The following MNAT1 variants were observed in gnomAD, a reference collection of about 807,000 sequenced individuals.
MNAT1 encodes CDK-activating kinase assembly factor MAT1.
A neutral mutation model predicts 42.0 loss-of-function variants in MNAT1; 43 were observed. The ratio of observed to expected loss-of-function variants is 1.02; its 90% CI spans 0.80 to 1.32. MNAT1 has a LOEUF of 1.32. MNAT1 is among the 40% of genes most tolerant of loss of function. The pLI is 0.00. For synonymous variants in MNAT1, 118 were observed against 120.0 expected, an observed-to-expected ratio of 0.98 and a Z score of 0.11; for missense variants, 306 against 350.4, an observed-to-expected ratio of 0.87 and a Z score of 1.01.
chr14:60,947,214 A>C (rs771413950), intron 7 of MNAT1, among the ~76,000 whole-genome samples: 1 of 152,078 alleles, frequency 6.6e-6, no homozygotes, highest in African/African-American at 2.4e-5. Context: ...TTTAAAAACA[A>C]TATCTTCCTA....
chr14:60,812,432 ACAGG>A (rs1423178351), intron 5 of MNAT1, among the ~76,000 whole-genome samples: 13 of 152,328 alleles, frequency 8.5e-5, no homozygotes, highest in African/African-American at 2.9e-4. Flanking sequence ...TTTGATAGCG[ACAGG>A]AGGCAGCCAA....
intron 6 of MNAT1, among the ~76,000 whole-genome samples, chr14:60,819,923 A>G (rs2032830953): frequency 6.6e-6 from 1 of 152,186 alleles, no homozygotes; most frequent in African/African-American, 2.4e-5. Context: ...TAAGCTCTCA[A>G]TAATTGAGGT....
intron 7 of MNAT1, among the ~76,000 whole-genome samples, chr14:60,907,036 G>A (rs1213386323): frequency 6.6e-6 from 1 of 151,994 alleles, no homozygotes; most frequent in Non-Finnish European, 1.5e-5. Flanking sequence ...ATATGGTTTT[G>A]GAATTTTTCA....
At chr14:60,959,206 C>T (rs1178034480) in intron 7 of MNAT1, among the ~76,000 whole-genome samples, 1 of 152,192 alleles carries the variant, frequency 6.6e-6, no homozygotes, top group African/African-American at 2.4e-5. Context: ...GGGTCTTCTG[C>T]AGAGCAAGCT....
chr14:60,834,438 GT>G (rs1428930185), intron 6 of MNAT1, among the ~76,000 whole-genome samples: 1 of 152,178 alleles, frequency 6.6e-6, no homozygotes, highest in African/African-American at 2.4e-5. Context: ...TCAGGAGCAG[GT>G]TGTTCAATTT....
At chr14:60,866,351 A>G (rs1566801821) in intron 6 of MNAT1, among the ~76,000 whole-genome samples, 1 of 142,594 alleles carries the variant, frequency 7.0e-6, no homozygotes, top group East Asian at 2.0e-4. Flanking sequence ...TTAGAACGGA[A>G]TCCTTGTGCA....
intron 7 of MNAT1, among the ~76,000 whole-genome samples, chr14:60,895,032 A>G (rs748591488): frequency 1.1e-4 from 17 of 152,154 alleles, no homozygotes; most frequent in Non-Finnish European, 1.6e-4. Flanking sequence ...TGTAACTCAT[A>G]CTTCCCTTCT....
intron 1 of MNAT1, among the ~76,000 whole-genome samples, chr14:60,785,059 G>T (rs987175473): frequency 7.3e-5 from 11 of 151,682 alleles, no homozygotes; most frequent in African/African-American, 2.7e-4. Context: ...CACTATGTTG[G>T]ACAGGCTGGT....
intron 6 of MNAT1, among the ~76,000 whole-genome samples, chr14:60,859,837 G>A (rs1000153252): frequency 6.6e-6 from 1 of 152,174 alleles, no homozygotes; most frequent in Admixed American, 6.5e-5. Context: ...TTTGAGTGGA[G>A]TGTTTTCAAT....
chr14:60,898,571 G>C lies in MNAT1; in HGVS notation c.809+18736G>C, dbSNP rs550853219. On this transcript the variant is annotated intron_variant, in intron 7 of 7. Coordinates refer to ENST00000261245, the MANE Select transcript of MNAT1 (RefSeq NM_002431.4). ...CATTTGTATGTCTTCTTTTGAAAAAGTTTCTATTCATATTCTTTGCCTACT... is the reference window on the plus strand; with the variant it reads ...CATTTGTATGTCTTCTTTTGAAAAACTTTCTATTCATATTCTTTGCCTACT... Among the ~76,000 whole-genome samples, 4 of 152,004 alleles carry C rather than the reference G, an allele frequency of 2.6e-5. No individual in the cohort carries two copies. The East Asian group carries it at 5.8e-4, about 22-fold the overall frequency.
chr14:60,854,295 C>T (rs1261843912), intron 6 of MNAT1, among the ~76,000 whole-genome samples: 1 of 152,192 alleles, frequency 6.6e-6, no homozygotes, highest in Non-Finnish European at 1.5e-5. Flanking sequence ...CTGAAGCCTA[C>T]TTCTGTCAGT....
intron 6 of MNAT1, among the ~76,000 whole-genome samples, chr14:60,869,306 G>A (rs996513437): frequency 6.6e-5 from 10 of 151,546 alleles, no homozygotes; most frequent in African/African-American, 2.4e-4. Flanking sequence ...CTCCCAAAGT[G>A]CTAGGATTAC....
intron 1 of MNAT1, among the ~76,000 whole-genome samples, chr14:60,792,113 C>G (rs1566767316): frequency 6.6e-6 from 1 of 152,134 alleles, no homozygotes; most frequent in Non-Finnish European, 1.5e-5. Context: ...TGTAAATTGA[C>G]TGCCTTTTCT....
chr14:60,780,778 G>T (rs2031431041), intron 1 of MNAT1, among the ~76,000 whole-genome samples: 1 of 151,998 alleles, frequency 6.6e-6, no homozygotes, highest in Non-Finnish European at 1.5e-5. Context: ...GACTCACCAT[G>T]GAGTTAACAT....
chr14:60,869,043 T>TTC (rs2034271200), intron 6 of MNAT1, among the ~76,000 whole-genome samples: 1 of 133,124 alleles, frequency 7.5e-6, no homozygotes, highest in African/African-American at 2.6e-5. Flanking sequence ...TATATATATT[T>TTC]TTTTTTTTTT....
intron 1 of MNAT1, among the ~76,000 whole-genome samples, chr14:60,743,596 A>T (rs1173673100): frequency 6.6e-6 from 1 of 152,180 alleles, no homozygotes; most frequent in Non-Finnish European, 1.5e-5. Flanking sequence ...GCTCCTTAGC[A>T]TTTCTTATAG....
chr14:60,861,335 A>T (rs889726032), intron 6 of MNAT1, among the ~76,000 whole-genome samples: 1 of 152,142 alleles, frequency 6.6e-6, no homozygotes, highest in Non-Finnish European at 1.5e-5. Context: ...TGTATTAAGG[A>T]TATAAATTAT....
intron 1 of MNAT1, among the ~76,000 whole-genome samples, chr14:60,772,350 G>A (rs1021917763): frequency 2.6e-5 from 4 of 152,128 alleles, no homozygotes; most frequent in Admixed American, 6.5e-5. Flanking sequence ...TTTGGGAGGC[G>A]GAGGCAGGTG....
intron 7 of MNAT1, among the ~76,000 whole-genome samples, chr14:60,967,624 G>C (rs186334353): frequency 3.3e-5 from 5 of 152,194 alleles, no homozygotes; most frequent in Non-Finnish European, 7.4e-5. Context: ...AGACTTTTCT[G>C]TATTTACTTT....
Sources: gnomAD v4.1 joint callset for allele counts (sites outside exome capture counted in the v4.1 genomes callset) on GRCh38, gnomAD v4.1.1 for gene constraint, MANE v1.5 for transcripts, NCBI Gene and HGNC (gene_info 2026-07-23, HGNC 2026-07-21) for gene names.